The following SH3RF3 variants were observed in gnomAD, a reference collection of about 807,000 sequenced individuals.
The protein encoded by SH3RF3 is SH3 domain containing ring finger 3.
A neutral mutation model predicts 66.3 loss-of-function variants in SH3RF3; 29 were observed. The ratio of observed to expected loss-of-function variants is 0.44; its 90% CI spans 0.33 to 0.60. The LOEUF is 0.60. Ranked by LOEUF, SH3RF3 falls within the 20% of genes least tolerant of loss-of-function variation. The probability of loss-of-function intolerance (pLI) is 0.04; values close to 1 mark genes in which losing one functional copy is unlikely to be tolerated. For missense variants in SH3RF3, 1,194 were observed against 1,190.9 expected, an observed-to-expected ratio of 1.00 and a Z score of -0.04; for synonymous variants, 583 against 532.0, an observed-to-expected ratio of 1.10 and a Z score of -1.32.
chr2:109,359,709 C>G (rs1183286930), intron 2 of SH3RF3, among the ~76,000 whole-genome samples: 1 of 152,236 alleles, frequency 6.6e-6, no homozygotes, highest in East Asian at 1.9e-4. Flanking sequence ...ATATTCCACA[C>G]CTGACCTTAT....
intron 1 of SH3RF3, among the ~76,000 whole-genome samples, chr2:109,161,971 G>A (rs563251123): frequency 6.6e-5 from 10 of 152,166 alleles, no homozygotes; most frequent in East Asian, 1.9e-4. Context: ...CTTATATGTC[G>A]CAGGTGTCTA....
At chr2:109,354,429 A>G (rs1156472487) in intron 2 of SH3RF3, among the ~76,000 whole-genome samples, 4 of 152,252 alleles carry the variant, frequency 2.6e-5, no homozygotes, top group Non-Finnish European at 5.9e-5. Context: ...CCAGGAGAGC[A>G]GGGCTGTGGG....
chr2:109,473,583 AAAG>A (rs1052731342), intron 8 of SH3RF3, among the ~76,000 whole-genome samples: 12 of 152,336 alleles, frequency 7.9e-5, no homozygotes, highest in African/African-American at 2.6e-4. Context: ...TCTGGGATTC[AAAG>A]AAGATGGTTT....
chr2:109,416,904 C>CAA (rs59855463), intron 4 of SH3RF3, among the ~76,000 whole-genome samples: 64 of 64,320 alleles, frequency 1.0e-3, no homozygotes, highest in East Asian at 3.7e-3. Context: ...GACTTCATCT[C>CAA]AAAAAAAAAA....
chr2:109,286,124 GC>G (rs990184050), intron 1 of SH3RF3, among the ~76,000 whole-genome samples: 2 of 152,160 alleles, frequency 1.3e-5, no homozygotes, highest in African/African-American at 4.8e-5. Context: ...GACCCTGCAG[GC>G]CTGGTGCTTT....
At chr2:109,465,353 G>A (rs1678313885) in intron 8 of SH3RF3, among the ~76,000 whole-genome samples, 1 of 152,212 alleles carries the variant, frequency 6.6e-6, no homozygotes, top group African/African-American at 2.4e-5. Flanking sequence ...GAGTATGTAA[G>A]AGTATGTGCT....
Position 109,437,153 on chromosome 2 carries a change from T to A in SH3RF3, c.1828+7T>A, listed in dbSNP as rs1677428658. 1.2e-6 allele frequency: 2 copies of A among 1,604,682 alleles called. No homozygotes were observed. The highest frequency in any genetic ancestry group is 2.7e-5 in the African/African-American group (2 of 74,778). On this transcript the variant is annotated splice_region_variant and intron_variant, in intron 7 of 9. Coordinates refer to ENST00000309415, the MANE Select transcript of SH3RF3 (RefSeq NM_001099289.3). ...CGGAGCACCATTTCAACAGGTACCT[T>A]CACAGGGGCCTCACCCTGCAGGGCA...
chr2:109,408,322 TG>T (rs1676500543), intron 4 of SH3RF3, among the ~76,000 whole-genome samples: 1 of 152,166 alleles, frequency 6.6e-6, no homozygotes, highest in African/African-American at 2.4e-5. Flanking sequence ...GGCTGTAATG[TG>T]AAGACCCATG....
At chr2:109,376,031 G>A (rs113006869) in intron 3 of SH3RF3, among the ~76,000 whole-genome samples, 3,900 of 152,344 alleles carry the variant, frequency 0.026, 116 homozygotes, top group African/African-American at 0.063. Flanking sequence ...GCTAGCCATG[G>A]GGCATAGAGA....
intron 1 of SH3RF3, among the ~76,000 whole-genome samples, chr2:109,294,551 ACTCAGT>A (rs1681261461): frequency 6.8e-6 from 1 of 147,192 alleles, no homozygotes; most frequent in African/African-American, 2.5e-5. Context: ...ATAGAGGGAG[ACTCAGT>A]CTCAAAAAAA....
chr2:109,236,709 C>G (rs1679658009), intron 1 of SH3RF3, among the ~76,000 whole-genome samples: 1 of 152,110 alleles, frequency 6.6e-6, no homozygotes, highest in Admixed American at 6.5e-5. Flanking sequence ...GTGACACTGC[C>G]CCTTATTTTA....
intron 9 of SH3RF3, among the ~76,000 whole-genome samples, chr2:109,493,470 TACAA>T (rs1448404827): frequency 6.7e-6 from 1 of 149,690 alleles, no homozygotes; most frequent in Non-Finnish European, 1.5e-5. Context: ...ACACTATACA[TACAA>T]ACACATACCC....
chr2:109,389,253 TG>T (rs1263639749), intron 3 of SH3RF3, among the ~76,000 whole-genome samples: 2 of 151,608 alleles, frequency 1.3e-5, no homozygotes, highest in Admixed American at 1.3e-4. Flanking sequence ...GGGGCAAGCG[TG>T]GGCCAGGCCC....
Position 109,418,779 on chromosome 2 carries a change from G to T in SH3RF3, c.1300-760G>T, listed in dbSNP as rs188115755. 2.6e-5 allele frequency among the ~76,000 whole-genome samples: 4 copies of T among 152,328 alleles called. No individual in the cohort carries two copies. The East Asian group carries it at 7.7e-4, about 29-fold the overall frequency. On this transcript the variant is annotated intron_variant, in intron 4 of 9. Coordinates refer to ENST00000309415, the MANE Select transcript of SH3RF3 (RefSeq NM_001099289.3). The stretch of plus-strand genomic sequence containing the variant: ...GCCATTGAATGCCTCTGAACAGGAA[G>T]ACAGGACACTGTCCTAGGGAAGGCC...
chr2:109,270,740 T>G (rs1680606749), intron 1 of SH3RF3, among the ~76,000 whole-genome samples: 1 of 152,218 alleles, frequency 6.6e-6, no homozygotes, highest in Non-Finnish European at 1.5e-5. Context: ...GTTACTCCTC[T>G]TATGTAGATT....
intron 1 of SH3RF3, among the ~76,000 whole-genome samples, chr2:109,238,449 T>TTGTG (rs56112018): frequency 1.2e-3 from 165 of 142,706 alleles, no homozygotes; most frequent in Middle Eastern, 3.6e-3. Context: ...TTATGTATAT[T>TTGTG]TGTGTGTGTG....
At chr2:109,247,548 C>T (rs1679947059) in intron 1 of SH3RF3, among the ~76,000 whole-genome samples, 1 of 152,234 alleles carries the variant, frequency 6.6e-6, no homozygotes, top group Non-Finnish European at 1.5e-5. Flanking sequence ...GCCTGCTGTG[C>T]TCTTCCTGTG....
intron 1 of SH3RF3, among the ~76,000 whole-genome samples, chr2:109,329,887 CA>C (rs1682246650): frequency 6.6e-6 from 1 of 152,148 alleles, no homozygotes; most frequent in Admixed American, 6.5e-5. Flanking sequence ...GAATGGTTTC[CA>C]AAAGTCTCTC....
chr2:109,411,420 C>T (rs1343675521), intron 4 of SH3RF3, among the ~76,000 whole-genome samples: 1 of 152,214 alleles, frequency 6.6e-6, no homozygotes, highest in Non-Finnish European at 1.5e-5. Context: ...TTCTGTACAG[C>T]TGGGCCTGTG....
Sources: gnomAD v4.1 joint callset for allele counts (sites outside exome capture counted in the v4.1 genomes callset) on GRCh38, gnomAD v4.1.1 for gene constraint, MANE v1.5 for transcripts, NCBI Gene and HGNC (gene_info 2026-07-23, HGNC 2026-07-21) for gene names.